The following TXNRD1 variants were observed in gnomAD, a reference collection of about 807,000 sequenced individuals.
The protein encoded by TXNRD1 is thioredoxin reductase 1, also known as thioredoxin reductase 1, cytoplasmic.
Under a neutral mutation model 80.3 loss-of-function variants are expected in TXNRD1, and 57 were observed. The observed-to-expected ratio is 0.71, with a 90% CI of 0.57 to 0.89. The LOEUF (loss-of-function observed/expected upper bound fraction) is 0.89, where lower values mean the gene tolerates loss of function less well. Ranked by LOEUF, TXNRD1 falls within the 40% of genes least tolerant of loss-of-function variation. TXNRD1 has a pLI of 0.00. For synonymous variants in TXNRD1, 291 were observed against 285.2 expected, an observed-to-expected ratio of 1.02 and a Z score of -0.20; for missense variants, 730 against 803.0, an observed-to-expected ratio of 0.91 and a Z score of 1.10.
chr12:104,238,882 T>C (rs2032797379), intron 1 of TXNRD1, among the ~76,000 whole-genome samples: 1 of 152,084 alleles, frequency 6.6e-6, no homozygotes, highest in Admixed American at 6.6e-5. Flanking sequence ...AGTCTTGCAC[T>C]GTTGCCCAGG....
intron 6 of TXNRD1, among the ~76,000 whole-genome samples, chr12:104,315,245 C>T (rs1212451377): frequency 1.3e-5 from 2 of 152,162 alleles, no homozygotes; most frequent in Non-Finnish European, 2.9e-5. Flanking sequence ...CCTAACCTCC[C>T]GAACATCATA....
intron 3 of TXNRD1, chr12:104,286,586 G>GTT (rs78816548): frequency 6.1e-4 from 191 of 314,212 alleles, no homozygotes; most frequent in Non-Finnish European, 7.7e-4. Context: ...CACCTTTGGA[G>GTT]TTTTTTTTTT....
chr12:104,239,194 A>AT (rs34563849), intron 1 of TXNRD1, among the ~76,000 whole-genome samples: 35 of 139,358 alleles, frequency 2.5e-4, no homozygotes, highest in African/African-American at 5.5e-4. Context: ...CTTTGTGGGA[A>AT]TTTTTTTTTT....
At chr12:104,284,332 G>C (rs1220918899) in intron 3 of TXNRD1, 1 of 152,232 alleles carries the variant, frequency 6.6e-6, no homozygotes, top group African/African-American at 2.4e-5. Flanking sequence ...GTTCAGCAAG[G>C]GTGGGCCTTG....
At chr12:104,236,165 T>C (rs916943738) in intron 1 of TXNRD1, among the ~76,000 whole-genome samples, 2 of 152,204 alleles carry the variant, frequency 1.3e-5, no homozygotes, top group Non-Finnish European at 2.9e-5. Context: ...TTTTAGACTA[T>C]AGACTGTAAA....
intron 3 of TXNRD1, among the ~76,000 whole-genome samples, chr12:104,279,898 A>G (rs971207618): frequency 5.3e-5 from 8 of 151,822 alleles, no homozygotes; most frequent in African/African-American, 1.9e-4. Flanking sequence ...CCCTCTCTCT[A>G]CTGAAAATAC....
At chr12:104,276,216 TTGGAATTGGGA>T (rs2033754493) in intron 3 of TXNRD1, among the ~76,000 whole-genome samples, 1 of 152,178 alleles carries the variant, frequency 6.6e-6, no homozygotes, top group African/African-American at 2.4e-5. Flanking sequence ...CTAAGACCAC[TTGGAATTGGGA>T]TAGGTTATAG....
chr12:104,262,155 G>T (rs1037617633), intron 3 of TXNRD1, among the ~76,000 whole-genome samples: 1 of 149,292 alleles, frequency 6.7e-6, no homozygotes, highest in African/African-American at 2.5e-5. Flanking sequence ...TTGCTTGAAC[G>T]CAGGAGGCGG....
At chr12:104,259,569 G>A (rs547182674) in intron 3 of TXNRD1, among the ~76,000 whole-genome samples, 11 of 143,094 alleles carry the variant, frequency 7.7e-5, no homozygotes, top group Admixed American at 6.6e-4. Flanking sequence ...TCAGCTCACC[G>A]CAACCTCCGC....
chr12:104,245,604 GAGCCACTGCACTGC>G (rs1392391372), intron 1 of TXNRD1, among the ~76,000 whole-genome samples: 3 of 141,928 alleles, frequency 2.1e-5, no homozygotes, highest in African/African-American at 7.9e-5. Flanking sequence ...ATCCGAGATG[GAGCCACTGCACTGC>G]AGCCTGGGTG....
chr12:104,276,839 G>C (rs2033767380), intron 3 of TXNRD1, among the ~76,000 whole-genome samples: 1 of 152,188 alleles, frequency 6.6e-6, no homozygotes, highest in Non-Finnish European at 1.5e-5. Context: ...TATCCCAAAG[G>C]GTTATTGAGA....
At chr12:104,265,484 G>T in intron 3 of TXNRD1, 4 of 1,609,584 alleles carry the variant, frequency 2.5e-6, no homozygotes, top group Non-Finnish European at 3.4e-6. Context: ...AAGTCTTCAG[G>T]GGAGATTGTC....
At chr12:104,326,705 A>T (rs769796684) in intron 12 of TXNRD1, among the ~76,000 whole-genome samples, 3 of 152,198 alleles carry the variant, frequency 2.0e-5, no homozygotes, top group Non-Finnish European at 4.4e-5. Context: ...ACCTCAGGTG[A>T]TCCACCTGCC....
Position 104,289,041 on chromosome 12 carries a change from G to A in TXNRD1, c.414+1G>A. The A allele has an allele frequency of 6.2e-7, 1 of 1,612,638 alleles. No homozygotes were observed. ...AGGCGGCCATGGTCCAACCTTGAAGGTAGGAGAGAGTAACGTATCTTTTTA... is the reference window on the plus strand; with the variant it reads ...AGGCGGCCATGGTCCAACCTTGAAGATAGGAGAGAGTAACGTATCTTTTTA... On this transcript the variant is annotated splice_donor_variant, in intron 4 of 16. Coordinates refer to ENST00000525566, the MANE Select transcript of TXNRD1 (RefSeq NM_001093771.3). LOFTEE classifies it high-confidence loss of function.
At chr12:104,294,007 C>T (rs1341045885) in intron 4 of TXNRD1, among the ~76,000 whole-genome samples, 1 of 152,174 alleles carries the variant, frequency 6.6e-6, no homozygotes, top group African/African-American at 2.4e-5. Context: ...ATTATTTCTA[C>T]ACATCAGGGA....
chr12:104,315,936 G>A (rs1166086900), intron 7 of TXNRD1, 40 bp downstream of exon 7: 6 of 1,582,110 alleles, frequency 3.8e-6, no homozygotes, highest in Middle Eastern at 1.7e-4. Flanking sequence ...TGTGCTTTTG[G>A]GGGTTTGAGC....
chr12:104,317,480 A>G (rs2035371872), intron 7 of TXNRD1, among the ~76,000 whole-genome samples: 1 of 151,530 alleles, frequency 6.6e-6, no homozygotes, highest in South Asian at 2.1e-4. Flanking sequence ...TAGAGGCTAT[A>G]AATCAATTTT....
At chr12:104,288,884 G>A (rs747716376) in intron 3 of TXNRD1, 47 bp from the exon 4 acceptor site, 5 of 1,613,624 alleles carry the variant, frequency 3.1e-6, no homozygotes, top group Admixed American at 1.7e-5. Flanking sequence ...GCCTGTTAGC[G>A]GGGGAGAAGC....
intron 9 of TXNRD1, among the ~76,000 whole-genome samples, chr12:104,320,545 C>T (rs1284329598): frequency 6.6e-6 from 1 of 152,160 alleles, no homozygotes; most frequent in Admixed American, 6.5e-5. Flanking sequence ...AAAACTCATT[C>T]TCTAACATGC....
Sources: allele counts gnomAD v4.1 joint callset (sites outside exome capture counted in the v4.1 genomes callset), GRCh38; gene constraint gnomAD v4.1.1; transcripts MANE v1.5; gene names NCBI Gene and HGNC (gene_info 2026-07-23, HGNC 2026-07-21).